DOP1A: variants seen among roughly 807,000 people sequenced by gnomAD.
DOP1A encodes DOP1 leucine zipper like protein A.
DOP1A carries 90 observed loss-of-function variants against 267.6 expected under a neutral mutation model. That is an observed-to-expected ratio of 0.34 (90% CI 0.28 to 0.40). DOP1A has a LOEUF of 0.40. Among genes scored for constraint, DOP1A ranks in the 10% least tolerant of loss-of-function variants. The pLI, the probability that DOP1A is intolerant of heterozygous loss-of-function variation, is 1.00. For missense variants in DOP1A, 2,437 were observed against 2,900.4 expected (o/e 0.84, Z 3.67); for synonymous variants, 932 against 999.1 (o/e 0.93, Z 1.27).
At chr6:83,088,419 C>CTTTTTTTTTTTTTTTTTTTTT (rs746293399) in intron 1 of DOP1A, among the ~76,000 whole-genome samples, 1 of 115,584 alleles carries the variant, frequency 8.7e-6, no homozygotes, top group Admixed American at 9.1e-5. Flanking sequence ...TGTCTTCCAT[C>CTTTTTTTTTTTTTTTTTTTTT]TTTTTTTTTT....
intron 15 of DOP1A, 41 bp from the exon 16 acceptor site, chr6:83,128,846 T>G: frequency 6.6e-7 from 1 of 1,510,812 alleles, no homozygotes; most frequent in Non-Finnish European, 8.8e-7. Flanking sequence ...ATATGTACAC[T>G]TTGCTACTCA....
At chr6:83,070,025 G>A (rs1785335720) in intron 1 of DOP1A, among the ~76,000 whole-genome samples, 1 of 152,330 alleles carries the variant, frequency 6.6e-6, no homozygotes, top group African/African-American at 2.4e-5. Context: ...CAAACAGGAT[G>A]TGTGCTGAAC....
intron 1 of DOP1A, among the ~76,000 whole-genome samples, chr6:83,085,816 ATGT>A (rs1562276451): frequency 1.3e-5 from 2 of 149,366 alleles, no homozygotes; most frequent in Non-Finnish European, 2.9e-5. Context: ...ATGTTATGTT[ATGT>A]TATGTTATGT....
chr6:83,130,383 A>C lies in DOP1A; in HGVS notation c.2602A>C (p.Thr868Pro). 5 of 1,611,592 alleles carry C rather than the reference A, an allele frequency of 3.1e-6. No individual in the cohort carries two copies. Among genetic ancestry groups the C allele is most frequent in the Non-Finnish European group, 4.2e-6 (5 of 1,179,026 alleles). The change falls in exon 17 of 39, where the codon ACT becomes CCT. Residue 868 changes from threonine to proline, a missense_variant. Physicochemically the swap from Thr to Pro is conservative, Grantham distance 38 (BLOSUM62 -1). Coordinates refer to ENST00000349129, the MANE Select transcript of DOP1A (RefSeq NM_015018.4). ...QGNLRYIAEK[T>P]EFFKHVALTL... is the part of the protein sequence containing the mutation. ...CAATCTGAGGTACATAGCTGAGAAG[A>C]CTGAATTTTTCAAGGTAAATTCTAA...
chr6:83,123,247 A>G (rs1348129309), intron 12 of DOP1A, among the ~76,000 whole-genome samples: 2 of 28,052 alleles, frequency 7.1e-5, no homozygotes, highest in East Asian at 2.0e-3. Context: ...GTCTATAGTA[A>G]TCCAGTTTTT....
Position 83,140,349 on chromosome 6 carries a change from G to T in DOP1A, c.5361G>T (p.Lys1787Asn). The T allele has an allele frequency of 6.2e-7, 1 of 1,613,064 alleles. No homozygotes were observed. The highest frequency in any genetic ancestry group is 2.2e-5 in the East Asian group (1 of 44,860). The change falls in exon 23 of 39, where the codon AAG (lysine) becomes AAT (asparagine). Residue 1787 changes from lysine to asparagine, a missense_variant. Around this residue, in one of 9 missense-constraint regions of DOP1A, gnomAD observed 307 missense variants for 308.6 expected, o/e 0.99. Transcript: ENST00000349129. ...SILHQADSSE[K>N]MTIAASASLT... ...TGCATCAAGCTGATTCTTCAGAAAA[G>T]ATGACTATTGCCGCATCCGCATCTC... is the stretch of plus-strand genomic sequence containing the variant.
At position 83,080,638 on chromosome 6, in the gene DOP1A, A is replaced by T. The variant is rs142738170; in HGVS notation, c.-147+12859A>T. The stretch of plus-strand genomic sequence containing the variant: ...GCCACATCTGTAATACTGTTTTTGG[A>T]TGTGTAACCCAACCTGCAGTACCTC... On this transcript the variant is annotated intron_variant, in intron 1 of 38. Transcript: ENST00000349129. 2.6e-5 allele frequency among the ~76,000 whole-genome samples: 4 copies of T among 152,262 alleles called. No individual in the cohort carries two copies. The East Asian group carries it at 7.7e-4, about 29-fold the overall frequency.
At chr6:83,128,102 G>T (rs1010951474) in intron 15 of DOP1A, among the ~76,000 whole-genome samples, 3 of 152,150 alleles carry the variant, frequency 2.0e-5, no homozygotes, top group African/African-American at 7.2e-5. Context: ...ATTCACTGAG[G>T]CAAGGAACAT....
chr6:83,164,852 G>A (rs999377480), intron 38 of DOP1A: 5 of 660,134 alleles, frequency 7.6e-6, no homozygotes, highest in African/African-American at 7.4e-5. Flanking sequence ...GTGTGGACTG[G>A]TGAAGTCAAA....
intron 1 of DOP1A, chr6:83,073,223 CG>C: frequency 6.1e-6 from 1 of 164,180 alleles, no homozygotes; most frequent in East Asian, 1.8e-4. Context: ...GCTGGGACTA[CG>C]GGCATGTGCC....
Position 83,100,775 on chromosome 6 carries a change from G to A in DOP1A, c.209G>A (p.Cys70Tyr). The A allele has an allele frequency of 1.9e-6, 3 of 1,593,406 alleles. No individual in the cohort carries two copies. The highest frequency in any genetic ancestry group is 2.6e-6 in the Non-Finnish European group (3 of 1,168,478). ...KLTIGKRLAQ[C>Y]LHPALPGGVH... ...ACCATAGGCAAACGCCTAGCTCAAT[G>A]TCTACATCCAGCATTACCAGGTGGA... The change falls in exon 4 of 39, where the codon TGT becomes TAT. Residue 70 changes from cysteine (C) to tyrosine (Y), a missense_variant. Coordinates refer to ENST00000349129, the MANE Select transcript of DOP1A (RefSeq NM_015018.4).
chr6:83,071,150 T>G (rs1349919583), intron 1 of DOP1A, among the ~76,000 whole-genome samples: 2 of 152,192 alleles, frequency 1.3e-5, no homozygotes, highest in Non-Finnish European at 2.9e-5. Flanking sequence ...GTTAACATCT[T>G]GGCACCAAAC....
chr6:83,133,650 C>T (rs553440229), intron 18 of DOP1A, among the ~76,000 whole-genome samples: 1 of 151,860 alleles, frequency 6.6e-6, no homozygotes, highest in Non-Finnish European at 1.5e-5. Flanking sequence ...TTATATTAAT[C>T]TTTTTCCAAA....
At position 83,139,956 on chromosome 6, in the gene DOP1A, T is replaced by C. The variant is rs187226646; in HGVS notation, c.5121-44T>C. On this transcript the variant is annotated intron_variant, in intron 21 of 38. Transcript: ENST00000349129. ...TTTACTAGTGATAAAATATGAACTA[T>C]ACTATCATAAAACTTGTGTTTAAAT... The C allele has an allele frequency of 8.9e-4, 1,191 of 1,331,698 alleles. 3 individuals carry two copies. Among genetic ancestry groups the C allele is most frequent in the Admixed American group, 2.9e-3 (168 of 58,678 alleles). The allele number at this position is 1,331,698 out of a possible 1,614,324, so 82.5% of individuals were successfully genotyped here. A position where few individuals can be genotyped will look rare whatever the true frequency, so the allele number is the denominator to read the frequency against.
At chr6:83,103,682 C>G (rs1478977665) in intron 4 of DOP1A, among the ~76,000 whole-genome samples, 1 of 152,154 alleles carries the variant, frequency 6.6e-6, no homozygotes, top group Non-Finnish European at 1.5e-5. Flanking sequence ...GGAATTTCTT[C>G]TGACCTAGTT....
chr6:83,129,265 T>C lies in DOP1A; in HGVS notation c.2098T>C (p.Ser700Pro), dbSNP rs751293655. 9 of 1,612,586 alleles carry C rather than the reference T, an allele frequency of 5.6e-6. No homozygotes were observed. In the South Asian group the frequency reaches 9.9e-5, roughly 18 times the overall value. The change falls in exon 16 of 39, where the codon TCT becomes CCT. Residue 700 changes from serine to proline, a missense_variant. Coordinates refer to ENST00000349129, the MANE Select transcript of DOP1A (RefSeq NM_015018.4). ...CTACATCATTCAGAATAACTCTTTT[T>C]CTCAGTCTTTGGCTACAGAACATCA... ...NLYIIQNNSF[S>P]QSLATEHQGD...
At chr6:83,121,427 T>G (rs1003636677) in intron 10 of DOP1A, among the ~76,000 whole-genome samples, 2 of 151,814 alleles carry the variant, frequency 1.3e-5, no homozygotes, top group Admixed American at 1.3e-4. Flanking sequence ...CAGATGAAGC[T>G]CAGGAATTTT....
intron 4 of DOP1A, among the ~76,000 whole-genome samples, chr6:83,104,777 A>G (rs1467146300): frequency 2.0e-5 from 3 of 152,100 alleles, no homozygotes; most frequent in African/African-American, 4.8e-5. Flanking sequence ...TCTTTGTAGC[A>G]TGTAGGATCT....
At chr6:83,069,811 A>T (rs1047481091) in intron 1 of DOP1A, among the ~76,000 whole-genome samples, 2 of 152,098 alleles carry the variant, frequency 1.3e-5, no homozygotes, top group Non-Finnish European at 2.9e-5. Flanking sequence ...TGAGGTTCCA[A>T]CAAGTGAAGA....
Sources: gnomAD v4.1 joint callset for allele counts (sites outside exome capture counted in the v4.1 genomes callset) on GRCh38, gnomAD v4.1.1 for gene constraint, gnomAD v4.1.1 regional missense constraint, MANE v1.5 for transcripts, NCBI Gene and HGNC (gene_info 2026-07-23, HGNC 2026-07-21) for gene names.